The following SMARCC1 variants were observed in gnomAD, a reference collection of about 807,000 sequenced individuals.
The protein encoded by SMARCC1 is SWI/SNF related BAF chromatin remodeling complex subunit C1, also known as SWI/SNF complex subunit SMARCC1.
A neutral mutation model predicts 147.4 loss-of-function variants in SMARCC1; 43 were observed. The ratio of observed to expected loss-of-function variants is 0.29; its 90% CI spans 0.23 to 0.38. SMARCC1 has a LOEUF of 0.38. SMARCC1 is among the 10% of genes least tolerant of loss of function. SMARCC1 has a pLI of 1.00. For missense variants in SMARCC1, 1,119 were observed against 1,381.1 expected (o/e 0.81, Z 3.01); for synonymous variants, 495 against 484.4 (o/e 1.02, Z -0.29).
intron 5 of SMARCC1, among the ~76,000 whole-genome samples, chr3:47,733,542 A>G (rs1576425584): frequency 6.6e-6 from 1 of 152,030 alleles, no homozygotes; most frequent in Non-Finnish European, 1.5e-5. Flanking sequence ...GGAATTCGAG[A>G]CCAGCCTTTC....
intron 7 of SMARCC1, among the ~76,000 whole-genome samples, chr3:47,720,353 G>A (rs1219310781): frequency 6.6e-6 from 1 of 151,278 alleles, no homozygotes; most frequent in East Asian, 2.0e-4. Context: ...TTGAGCTCCT[G>A]ACCTCATGAT....
At chr3:47,721,273 A>G (rs942293660) in intron 6 of SMARCC1, among the ~76,000 whole-genome samples, 2 of 152,324 alleles carry the variant, frequency 1.3e-5, no homozygotes, top group East Asian at 3.9e-4. Flanking sequence ...TACTATTTTT[A>G]CTATTCTTTC....
At chr3:47,667,621 G>C (rs1352720141) in intron 19 of SMARCC1, among the ~76,000 whole-genome samples, 1 of 152,178 alleles carries the variant, frequency 6.6e-6, no homozygotes, top group African/African-American at 2.4e-5. Context: ...GCTTGTGCCT[G>C]TAATCCCAGC....
At chr3:47,626,483 G>A (rs1455046762) in intron 24 of SMARCC1, among the ~76,000 whole-genome samples, 13 of 144,822 alleles carry the variant, frequency 9.0e-5, no homozygotes, top group African/African-American at 1.0e-4. Flanking sequence ...AAGAAAGAAA[G>A]AAAGAAAAAA....
intron 1 of SMARCC1, among the ~76,000 whole-genome samples, chr3:47,780,168 G>GTTTTTTTTTTTTTTTTTTTT (rs10662354): frequency 1.8e-4 from 11 of 61,890 alleles, no homozygotes; most frequent in South Asian, 6.8e-4. Context: ...GTTTTTTTTT[G>GTTTTTTTTTTTTTTTTTTTT]TTTTTTTTTT....
intron 13 of SMARCC1, among the ~76,000 whole-genome samples, chr3:47,688,568 T>A (rs1009930685): frequency 3.9e-5 from 6 of 152,194 alleles, no homozygotes; most frequent in African/African-American, 9.7e-5. Context: ...CGCCGTTTAT[T>A]TTTAAAAAAT....
chr3:47,675,912 T>C (rs1448688013), intron 17 of SMARCC1, among the ~76,000 whole-genome samples: 1 of 149,862 alleles, frequency 6.7e-6, no homozygotes, highest in Non-Finnish European at 1.5e-5. Context: ...GCCACTGCAC[T>C]CCAGCCGGGG....
chr3:47,646,289 T>C (rs1400547842), intron 21 of SMARCC1, among the ~76,000 whole-genome samples: 1 of 152,360 alleles, frequency 6.6e-6, no homozygotes, highest in East Asian at 1.9e-4. Flanking sequence ...AAAGTCTCTC[T>C]TTGGTCTAAA....
chr3:47,593,082 C>T (rs1347502165), intron 26 of SMARCC1, among the ~76,000 whole-genome samples: 1 of 152,086 alleles, frequency 6.6e-6, no homozygotes, highest in Non-Finnish European at 1.5e-5. Flanking sequence ...CCACCTCAGG[C>T]TCCCAAAGTG....
At chr3:47,769,210 CAAAAAAAAAAAAA>C (rs1553692338) in intron 2 of SMARCC1, among the ~76,000 whole-genome samples, 3 of 33,102 alleles carry the variant, frequency 9.1e-5, no homozygotes, top group South Asian at 3.3e-3. Context: ...GACTCCGTCT[CAAAAAAAAAAAAA>C]AAAAAAAAAA....
intron 22 of SMARCC1, 60 bp downstream of exon 22, chr3:47,638,665 A>C: frequency 7.6e-7 from 1 of 1,313,188 alleles, no homozygotes; most frequent in Non-Finnish European, 1.1e-6. Flanking sequence ...ACACCCAAAA[A>C]ACAAACCATT....
At chr3:47,763,920 T>A (rs1276177430) in intron 2 of SMARCC1, among the ~76,000 whole-genome samples, 1 of 151,750 alleles carries the variant, frequency 6.6e-6, no homozygotes, top group African/African-American at 2.4e-5. Context: ...GCTCTCACCA[T>A]GTTGTCCAGG....
chr3:47,748,784 G>A (rs1480415730), intron 2 of SMARCC1, among the ~76,000 whole-genome samples: 1 of 152,110 alleles, frequency 6.6e-6, no homozygotes, highest in African/African-American at 2.4e-5. Flanking sequence ...ATAATATACT[G>A]GAAAGAACCA....
At chr3:47,637,808 G>A (rs2032991922) in intron 22 of SMARCC1, among the ~76,000 whole-genome samples, 1 of 152,052 alleles carries the variant, frequency 6.6e-6, no homozygotes, top group Non-Finnish European at 1.5e-5. Context: ...ACAGAAGAGA[G>A]ATTGAGCCAC....
intron 12 of SMARCC1, among the ~76,000 whole-genome samples, chr3:47,690,654 G>A (rs1211357562): frequency 1.3e-5 from 2 of 152,116 alleles, no homozygotes; most frequent in African/African-American, 4.8e-5. Flanking sequence ...TTGGAAAGAG[G>A]TTACTGAACC....
intron 1 of SMARCC1, among the ~76,000 whole-genome samples, chr3:47,780,856 CAA>C (rs1223010380): frequency 1.3e-5 from 2 of 150,768 alleles, no homozygotes; most frequent in East Asian, 3.9e-4. Context: ...TTGTTATAAA[CAA>C]AGGATTAAGT....
At chr3:47,646,035 T>C (rs2033117030) in intron 21 of SMARCC1, among the ~76,000 whole-genome samples, 1 of 152,140 alleles carries the variant, frequency 6.6e-6, no homozygotes, top group South Asian at 2.1e-4. Flanking sequence ...GATTTAATGA[T>C]AGGGCCAGGT....
chr3:47,699,441 A>C (rs1289949916), intron 11 of SMARCC1, among the ~76,000 whole-genome samples: 1 of 152,048 alleles, frequency 6.6e-6, no homozygotes, highest in East Asian at 1.9e-4. Context: ...CAGACAACAC[A>C]CCATCAGCTG....
chr3:47,689,992 G>T (rs1050107606), intron 12 of SMARCC1, among the ~76,000 whole-genome samples: 2 of 152,166 alleles, frequency 1.3e-5, no homozygotes, highest in Admixed American at 1.3e-4. Context: ...ATTATTATAT[G>T]CCTGTAATAT....
Sources: gnomAD v4.1 joint callset for allele counts (sites outside exome capture counted in the v4.1 genomes callset) on GRCh38, gnomAD v4.1.1 for gene constraint, MANE v1.5 for transcripts, NCBI Gene and HGNC (gene_info 2026-07-23, HGNC 2026-07-21) for gene names.